The following TET3 variants were observed in gnomAD, a reference collection of about 807,000 sequenced individuals.
The protein encoded by TET3 is tet methylcytosine dioxygenase 3.
Under a neutral mutation model 141.4 loss-of-function variants are expected in TET3, and 19 were observed. That is an observed-to-expected ratio of 0.13 (90% CI 0.09 to 0.20). TET3 has a LOEUF of 0.20. Ranked by LOEUF, TET3 falls within the 10% of genes least tolerant of loss-of-function variation. TET3 has a pLI of 1.00. For missense variants in TET3, 1,874 were observed against 2,356.9 expected (o/e 0.80, Z 4.24); for synonymous variants, 1,043 against 980.9 (o/e 1.06, Z -1.18).
chr2:74,001,308 C>T (rs979575505), intron 2 of TET3, among the ~76,000 whole-genome samples: 5 of 152,128 alleles, frequency 3.3e-5, no homozygotes, highest in Non-Finnish European at 4.4e-5. Flanking sequence ...GGTAGGAGAG[C>T]GAATCACTGG....
chr2:74,034,840 C>T (rs774489773), intron 3 of TET3, among the ~76,000 whole-genome samples: 9 of 152,024 alleles, frequency 5.9e-5, no homozygotes, highest in Non-Finnish European at 1.2e-4. Context: ...AAAGGTAGCA[C>T]CACAAACCTT....
chr2:74,128,406 G>A, the TET3 span, among the ~76,000 whole-genome samples: 1 of 152,230 alleles, frequency 6.6e-6, no homozygotes, highest in African/African-American at 2.4e-5. Context: ...AACTGCCACC[G>A]CCAGGAGGAG....
chr2:74,073,589 C>T lies in TET3; in HGVS notation c.2535C>T (p.His845=), dbSNP rs761937589. ...AAGATGAAGGTCCATATTATACTCACTTGGGATCTGGCCCCACGGTCGCCT... is the reference window on the plus strand; with the variant it reads ...AAGATGAAGGTCCATATTATACTCATTTGGGATCTGGCCCCACGGTCGCCT... The part of the protein sequence containing the change: ...VEKDEGPYYT[H]LGSGPTVASI... Residue 845 remains histidine (H), a synonymous_variant, in exon 5 of 12, where the codon CAC becomes CAT. Coordinates refer to ENST00000409262, the MANE Select transcript of TET3 (RefSeq NM_001287491.2). The T allele has an allele frequency of 1.2e-6, 2 of 1,612,490 alleles. No homozygotes were observed. Among genetic ancestry groups the T allele is most frequent in the Non-Finnish European group, 1.7e-6 (2 of 1,179,388 alleles).
chr2:74,058,686 T>A (rs559302577), intron 4 of TET3, among the ~76,000 whole-genome samples: 6 of 152,178 alleles, frequency 3.9e-5, no homozygotes, highest in Non-Finnish European at 7.3e-5. Context: ...CAATACAGTT[T>A]TATAAAAGAC....
intron 4 of TET3, among the ~76,000 whole-genome samples, chr2:74,049,845 G>A (rs979179437): frequency 2.0e-5 from 3 of 152,044 alleles, no homozygotes; most frequent in African/African-American, 7.3e-5. Context: ...CTCTTACTTG[G>A]GGGTGAACAG....
rs563119665 is a variant in TET3, at chr2:74,017,120, G to T, written c.360+13954G>T. Among the ~76,000 whole-genome samples the T allele has an allele frequency of 2.0e-5, 3 of 152,172 alleles. No homozygotes were observed. The South Asian group carries it at 6.2e-4, about 32-fold the overall frequency. Reference sequence around the variant, plus strand: ...ATGCAACAAAGTGAGACCCCTCTCTGTATAGCAAAAAATTTAAAATTAGCC... The same window carrying T: ...ATGCAACAAAGTGAGACCCCTCTCTTTATAGCAAAAAATTTAAAATTAGCC... On this transcript the variant is annotated intron_variant, in intron 3 of 11. Coordinates refer to ENST00000409262, the MANE Select transcript of TET3 (RefSeq NM_001287491.2).
the TET3 span, among the ~76,000 whole-genome samples, chr2:74,132,819 C>A: frequency 6.6e-6 from 1 of 152,256 alleles, no homozygotes; most frequent in East Asian, 1.9e-4. Context: ...AAGGGGAGAC[C>A]CAGTGGCACT....
intron 10 of TET3, among the ~76,000 whole-genome samples, chr2:74,095,656 G>A (rs1204465187): frequency 2.0e-5 from 3 of 152,190 alleles, no homozygotes; most frequent in African/African-American, 7.2e-5. Context: ...GCTGTTCTAT[G>A]ACCTGCTTTT....
chr2:74,046,361 G>A lies in TET3; in HGVS notation c.444G>A (p.Gln148=). The A allele has an allele frequency of 6.5e-7, 1 of 1,530,252 alleles. No homozygotes were observed. The highest frequency in any genetic ancestry group is 1.3e-5 in the South Asian group (1 of 75,964). The allele number at this position is 1,530,252 out of a possible 1,614,324, so 94.8% of individuals were successfully genotyped here. Residue 148 remains glutamine (Q), a synonymous_variant, in exon 4 of 12, where the codon CAG becomes CAA. Coordinates refer to ENST00000409262, the MANE Select transcript of TET3 (RefSeq NM_001287491.2). This position sits in a 1 kb window ranked among gnomAD's most constrained non-coding sequence, Gnocchi z 4.3. ...SGPVYHGDSR[Q]LSASGVPVNG... ...CAGTGTACCATGGGGACTCACGGCA[G>A]CTAAGCGCCTCAGGGGTGCCGGTCA...
At chr2:74,113,330 A>G in the TET3 span, among the ~76,000 whole-genome samples, 6 of 152,010 alleles carry the variant, frequency 3.9e-5, no homozygotes, top group Admixed American at 6.5e-5. Context: ...AGGTTGCAGT[A>G]AGCGGAGATC....
At chr2:74,032,221 C>T (rs1405837922) in intron 3 of TET3, among the ~76,000 whole-genome samples, 1 of 152,150 alleles carries the variant, frequency 6.6e-6, no homozygotes, top group Non-Finnish European at 1.5e-5. Context: ...TAGTGAAGGA[C>T]TGGCTCTGCG....
intron 8 of TET3, among the ~76,000 whole-genome samples, chr2:74,090,485 G>T (rs756596902): frequency 1.3e-5 from 2 of 152,186 alleles, no homozygotes; most frequent in African/African-American, 4.8e-5. Context: ...CTCCCACCCT[G>T]CCTGGCTGCC....
intron 2 of TET3, among the ~76,000 whole-genome samples, chr2:73,990,115 T>C (rs1684248379): frequency 6.6e-6 from 1 of 151,804 alleles, no homozygotes; most frequent in Non-Finnish European, 1.5e-5. Context: ...ATACAAGGGC[T>C]AGGTATGGTG....
intron 10 of TET3, among the ~76,000 whole-genome samples, chr2:74,096,921 A>C (rs189649313): frequency 6.6e-6 from 1 of 151,830 alleles, no homozygotes; most frequent in East Asian, 1.9e-4. Flanking sequence ...GCAAAACCCT[A>C]TCTCTACAAA....
rs1302663984 is a variant in TET3, at chr2:74,105,837, A to T, written c.*3661A>T. 6.4e-6 allele frequency: 1 copy of T among 156,700 alleles called. No individual in the cohort carries two copies. The highest frequency in any genetic ancestry group is 1.4e-5 in the Non-Finnish European group (1 of 70,222). 9.7% of individuals were successfully genotyped at this position (156,700 alleles called of 1,614,324 possible). On this transcript the variant is annotated 3_prime_UTR_variant, in exon 12 of 12. Coordinates refer to ENST00000409262, the MANE Select transcript of TET3 (RefSeq NM_001287491.2). Reference sequence around the variant, plus strand: ...CAGACTTGCTTCTAGAGGTTTAATCACCATGAGATCTCAAACCAAGGCAAA... The same window carrying T: ...CAGACTTGCTTCTAGAGGTTTAATCTCCATGAGATCTCAAACCAAGGCAAA...
chr2:74,117,990 C>T, the TET3 span, among the ~76,000 whole-genome samples: 1 of 152,234 alleles, frequency 6.6e-6, no homozygotes, highest in South Asian at 2.1e-4. Context: ...GTGATCCACC[C>T]ACCTCAGTCT....
At chr2:74,079,416 A>G (rs1405095416) in intron 5 of TET3, among the ~76,000 whole-genome samples, 1 of 152,214 alleles carries the variant, frequency 6.6e-6, no homozygotes, top group East Asian at 1.9e-4. Flanking sequence ...GCTATAAAGA[A>G]TAGAAGGGAA....
chr2:74,087,800 T>C lies in TET3; in HGVS notation c.2680-30T>C. The C allele has an allele frequency of 6.5e-7, 1 of 1,527,478 alleles. No homozygotes were observed. The highest frequency in any genetic ancestry group is 8.8e-7 in the Non-Finnish European group (1 of 1,132,384). 94.6% of individuals were successfully genotyped at this position (1,527,478 alleles called of 1,614,324 possible). On this transcript the variant is annotated intron_variant, in intron 6 of 11. Coordinates refer to ENST00000409262, the MANE Select transcript of TET3 (RefSeq NM_001287491.2). The surrounding 1 kb of genome is among the most constrained non-coding windows in gnomAD (Gnocchi z 4.3). Reference sequence around the variant, plus strand: ...ATGCAGAGGAGCACGGGTACCTGGCTCCTGCCCCTCACACCCTGCGTCCCT... The same window carrying C: ...ATGCAGAGGAGCACGGGTACCTGGCCCCTGCCCCTCACACCCTGCGTCCCT...
chr2:74,131,255 A>G, the TET3 span, among the ~76,000 whole-genome samples: 2 of 152,072 alleles, frequency 1.3e-5, no homozygotes, highest in Non-Finnish European at 1.5e-5. Flanking sequence ...ACAACCCTTC[A>G]TTCATGACCT....
Sources: allele counts gnomAD v4.1 joint callset (sites outside exome capture counted in the v4.1 genomes callset), GRCh38; gene constraint gnomAD v4.1.1; non-coding constraint Gnocchi (gnomAD v3.1); transcripts MANE v1.5; gene names NCBI Gene and HGNC (gene_info 2026-07-23, HGNC 2026-07-21).